CYGB: variants seen among roughly 807,000 people sequenced by gnomAD.
The protein encoded by CYGB is cytoglobin.
A neutral mutation model predicts 20.7 loss-of-function variants in CYGB; 13 were observed. The observed-to-expected ratio is 0.63, with a 90% CI of 0.41 to 1.00. The LOEUF is 1.00. CYGB is among the 50% of genes least tolerant of loss of function. The probability of loss-of-function intolerance (pLI) is 0.00; values close to 1 mark genes in which losing one functional copy is unlikely to be tolerated. For missense variants in CYGB, 218 were observed against 257.2 expected, an observed-to-expected ratio of 0.85 and a Z score of 1.04; for synonymous variants, 93 against 107.4, an observed-to-expected ratio of 0.87 and a Z score of 0.83.
intron 1 of CYGB, chr17:76,544,183 T>C (rs1318562118): frequency 2.2e-6 from 1 of 454,312 alleles, no homozygotes; most frequent in African/African-American, 2.0e-5. Context: ...CAGCTATTAG[T>C]CTTCAAAAAC....
chr17:76,540,253 G>C (rs111326198), upstream of CYGB: 1,132 of 1,048,814 alleles, frequency 1.1e-3, 92 homozygotes, highest in Admixed American at 2.0e-3. The surrounding 1 kb of genome is among the most constrained non-coding windows in gnomAD (Gnocchi z 5.0). Context: ...CGGTTGGTCG[G>C]GGGGGGGGGG....
chr17:76,537,235 G>T (rs932204347), intron 1 of CYGB, among the ~76,000 whole-genome samples, 165 bp downstream of exon 1: 22 of 152,268 alleles, frequency 1.4e-4, no homozygotes, highest in Admixed American at 1.3e-4. Context: ...CCCAGGCTTC[G>T]TTCACCCCAA....
chr17:76,540,648 C>T (rs149696676), upstream of CYGB: 96 of 1,456,136 alleles, frequency 6.6e-5, no homozygotes, highest in African/African-American at 9.9e-4. This position sits in a 1 kb window ranked among gnomAD's most constrained non-coding sequence, Gnocchi z 5.0. Flanking sequence ...TGGGGGTGCA[C>T]GTGTGTGCCT....
rs572748485 is a variant in CYGB, at chr17:76,544,918, C to A, written c.-53+5944G>T. 24 of 456,634 alleles carry A rather than the reference C, an allele frequency of 5.3e-5. No individual in the cohort carries two copies. Among genetic ancestry groups the A allele is most frequent in the Non-Finnish European group, 9.7e-5 (22 of 226,990 alleles). The allele number at this position is 456,634 out of a possible 1,614,324, so 28.3% of individuals were successfully genotyped here. Reference sequence around the variant, plus strand: ...TCCACGCCACTGTTCCGAGAACCTGCGCAGGAGGTGGTGGCTGCTCCAGGG... The same window carrying A: ...TCCACGCCACTGTTCCGAGAACCTGAGCAGGAGGTGGTGGCTGCTCCAGGG... On this transcript the variant is annotated intron_variant, in intron 1 of 3. Transcript: ENST00000589145.
At chr17:76,540,217 T>C (rs1292833505), upstream of CYGB, 2 of 1,419,774 alleles carry the variant, frequency 1.4e-6, no homozygotes, top group East Asian at 3.2e-5. This position sits in a 1 kb window ranked among gnomAD's most constrained non-coding sequence, Gnocchi z 5.0. Context: ...AGTCCAACCG[T>C]GAGAAACTGA....
chr17:76,549,412 C>A (rs1376587335), intron 1 of CYGB, among the ~76,000 whole-genome samples: 1 of 152,228 alleles, frequency 6.6e-6, no homozygotes, highest in African/African-American at 2.4e-5. Flanking sequence ...ACTCCACATG[C>A]AAATCAAAAG....
upstream of CYGB, chr17:76,540,261 G>C (rs769134763): frequency 1.2e-6 from 1 of 826,468 alleles, no homozygotes; most frequent in East Asian, 2.8e-5. This position sits in a 1 kb window ranked among gnomAD's most constrained non-coding sequence, Gnocchi z 5.0. Flanking sequence ...CGGGGGGGGG[G>C]GGCATGGGGC....
upstream of CYGB, chr17:76,540,010 C>A: frequency 2.1e-6 from 2 of 932,262 alleles, no homozygotes; most frequent in Admixed American, 2.2e-5. The surrounding 1 kb of genome is among the most constrained non-coding windows in gnomAD (Gnocchi z 5.0). Context: ...TCAGCTTGAG[C>A]CTCCTAATCC....
rs1303784848 is a variant in CYGB, at chr17:76,533,345, G to A, written c.144-1654C>T. Among the ~76,000 whole-genome samples the A allele has an allele frequency of 1.3e-5, 2 of 152,214 alleles. No individual in the cohort carries two copies. The highest frequency in any genetic ancestry group is 2.9e-5 in the Non-Finnish European group (2 of 68,030). On this transcript the variant is annotated intron_variant, in intron 1 of 3. Transcript: ENST00000293230. The surrounding 1 kb of genome is among the most constrained non-coding windows in gnomAD (Gnocchi z 4.5). ...AAAATACATTGAATTTTCTGGAGAA[G>A]CACTGTAATGAGGGACAAATGTGAA...
Position 76,527,386 on chromosome 17 carries a change from A to G in CYGB, c.*1192T>C. On this transcript the variant is annotated 3_prime_UTR_variant, in exon 4 of 4. Transcript: ENST00000293230. ...CAAGAACGGGTCTGTTTAATGACAC[A>G]GCTGGGTCTGGTTACAAACATCAGA... The G allele has an allele frequency of 2.8e-6, 1 of 358,562 alleles. No homozygotes were observed. Among genetic ancestry groups the G allele is most frequent in the Non-Finnish European group, 5.5e-6 (1 of 181,328 alleles). The allele number at this position is 358,562 out of a possible 1,614,324, so 22.2% of individuals were successfully genotyped here.
chr17:76,537,126 G>A (rs1369202126), intron 1 of CYGB, among the ~76,000 whole-genome samples: 1 of 152,224 alleles, frequency 6.6e-6, no homozygotes, highest in African/African-American at 2.4e-5. Flanking sequence ...GGCCGAGCAA[G>A]GAGTTCTGAG....
rs1236290504 is a variant in CYGB at position 76,533,951 on chromosome 17, G to A, written c.144-2260C>T. 2.0e-5 allele frequency among the ~76,000 whole-genome samples: 3 copies of A among 151,810 alleles called. No homozygotes were observed. Among genetic ancestry groups the A allele is most frequent in the Non-Finnish European group, 4.4e-5 (3 of 67,960 alleles). On this transcript the variant is annotated intron_variant, in intron 1 of 3. Coordinates refer to ENST00000293230, the MANE Select transcript of CYGB (RefSeq NM_134268.5). This position sits in a 1 kb window ranked among gnomAD's most constrained non-coding sequence, Gnocchi z 4.5. ...GAGGCTGCAGCAGGAAGATCCGATCGCATCACGAGCCCAGGATTGGAGGCT... is the reference window on the plus strand; with the variant it reads ...GAGGCTGCAGCAGGAAGATCCGATCACATCACGAGCCCAGGATTGGAGGCT...
intron 1 of CYGB, chr17:76,547,049 C>G (rs892447657): frequency 1.3e-5 from 2 of 152,266 alleles, no homozygotes; most frequent in African/African-American, 2.4e-5. Context: ...TCCCGCCCAG[C>G]CTGCCTTTGC....
rs922395140 is a variant in CYGB at position 76,530,768 on chromosome 17, A to G, written c.539+211T>C. Among the ~76,000 whole-genome samples the G allele has an allele frequency of 4.6e-5, 7 of 152,134 alleles. No individual in the cohort carries two copies. The highest frequency in any genetic ancestry group is 1.0e-4 in the Non-Finnish European group (7 of 68,012). On this transcript the variant is annotated intron_variant, in intron 3 of 3. Coordinates refer to ENST00000293230, the MANE Select transcript of CYGB (RefSeq NM_134268.5). This position sits in a 1 kb window ranked among gnomAD's most constrained non-coding sequence, Gnocchi z 6.1. The stretch of plus-strand genomic sequence containing the variant: ...TTGGGAGGATTTTTGCTCAGGGCTC[A>G]TGGCTCTGAGCAGCCTGAAGTCACA...
chr17:76,531,496 G>A lies in CYGB; in HGVS notation c.339C>T (p.His113=), dbSNP rs1427019985. 11 of 1,612,990 alleles carry A rather than the reference G, an allele frequency of 6.8e-6. No homozygotes were observed. Among genetic ancestry groups the A allele is most frequent in the African/African-American group, 2.7e-5 (2 of 74,928 alleles). The change falls in exon 2 of 4, where the codon CAC becomes CAT. Residue 113 remains histidine (H), a synonymous_variant. Transcript: ENST00000293230. The surrounding 1 kb of genome is among the most constrained non-coding windows in gnomAD (Gnocchi z 7.4). ...CCGGTTCCACCTTGTGCTTGAGGGC[G>A]TGGGCTTTCCCCACAAGGGCGAGCA... ...SSVLALVGKA[H]ALKHKVEPVY...
intron 1 of CYGB, among the ~76,000 whole-genome samples, chr17:76,534,304 A>G (rs533654939): frequency 6.6e-6 from 1 of 152,000 alleles, no homozygotes; most frequent in African/African-American, 2.4e-5. Flanking sequence ...AGCCTCACAA[A>G]GTTAGCTGGG....
At chr17:76,543,094 A>G (rs758359829) in intron 1 of CYGB, 13 of 471,254 alleles carry the variant, frequency 2.8e-5, no homozygotes, top group South Asian at 2.0e-4. Context: ...GGCAAGAGGG[A>G]GAATGGGGGG....
rs756335791 is a variant in CYGB at position 76,537,558 on chromosome 17, C to G, written c.-16G>C. 4 of 1,387,648 alleles carry G rather than the reference C, an allele frequency of 2.9e-6. No homozygotes were observed. The Admixed American group carries it at 8.7e-5, about 30-fold the overall frequency. 86.0% of individuals were successfully genotyped at this position (1,387,648 alleles called of 1,614,324 possible). On this transcript the variant is annotated 5_prime_UTR_variant, in exon 1 of 4. Coordinates refer to ENST00000293230, the MANE Select transcript of CYGB (RefSeq NM_134268.5). ...CTTTCTCCATGAGCAGCTCCAAGCC[C>G]AGCCCGGCTTTGCTCGGCGGCGGCG...
chr17:76,540,015 T>C (rs2074966885), upstream of CYGB: 1 of 1,002,832 alleles, frequency 1.0e-6, no homozygotes, highest in Admixed American at 2.1e-5. The surrounding 1 kb of genome is among the most constrained non-coding windows in gnomAD (Gnocchi z 5.0). Flanking sequence ...TTGAGCCTCC[T>C]AATCCATCCC....
Sources: allele counts gnomAD v4.1 joint callset (sites outside exome capture counted in the v4.1 genomes callset), GRCh38; gene constraint gnomAD v4.1.1; non-coding constraint Gnocchi (gnomAD v3.1); transcripts MANE v1.5; gene names NCBI Gene and HGNC (gene_info 2026-07-23, HGNC 2026-07-21).